The following FBXO11 variants were observed in gnomAD, a reference collection of about 807,000 sequenced individuals.
FBXO11 encodes the protein F-box only protein 11.
Under a neutral mutation model 117.0 loss-of-function variants are expected in FBXO11, and 13 were observed. The ratio of observed to expected loss-of-function variants is 0.11; its 90% confidence interval spans 0.07 to 0.18. The LOEUF (loss-of-function observed/expected upper bound fraction) is 0.18. Ranked by LOEUF, FBXO11 falls within the 10% of genes least tolerant of loss-of-function variation. The pLI, the probability that FBXO11 is intolerant of heterozygous loss-of-function variation, is 1.00. For synonymous variants in FBXO11, 490 were observed against 380.5 expected, an observed-to-expected ratio of 1.29 and a Z score of -3.35; for missense variants, 767 against 1,164.4, an observed-to-expected ratio of 0.66 and a Z score of 4.97.
intron 11 of FBXO11, among the ~76,000 whole-genome samples, chr2:47,828,602 C>G (rs550202864): frequency 4.3e-4 from 63 of 146,856 alleles, no homozygotes; most frequent in Non-Finnish European, 6.9e-4. Flanking sequence ...GAGTGAGACT[C>G]TTGTCTCAAA....
At chr2:47,818,449 A>G in intron 16 of FBXO11, 1 of 214,718 alleles carries the variant, frequency 4.7e-6, no homozygotes, top group Non-Finnish European at 9.1e-6. Context: ...TTGAGTGCCA[A>G]TGATATGCCA....
At chr2:47,838,428 GAATTACTGGGTCAAAGGGCATGACCCAGT>G (rs1213934598) in intron 4 of FBXO11, among the ~76,000 whole-genome samples, 30 of 150,410 alleles carry the variant, frequency 2.0e-4, no homozygotes, top group South Asian at 6.3e-4. Context: ...TTCAGAAGTA[GAATTACTGGGTCAAAGGGCATGACCCAGT>G]AATTACTGGG....
chr2:47,817,880 G>A (rs1387443656), intron 16 of FBXO11, among the ~76,000 whole-genome samples: 3 of 152,202 alleles, frequency 2.0e-5, no homozygotes, highest in African/African-American at 7.2e-5. Context: ...GGGTGTGGTG[G>A]CTCACGCCTG....
At chr2:47,837,795 A>G (rs1672702455) in intron 4 of FBXO11, among the ~76,000 whole-genome samples, 1 of 152,256 alleles carries the variant, frequency 6.6e-6, no homozygotes, top group South Asian at 2.1e-4. Flanking sequence ...CAGTGGCACG[A>G]TCACGGCTTT....
intron 16 of FBXO11, among the ~76,000 whole-genome samples, chr2:47,815,320 G>A (rs1020179032): frequency 2.0e-5 from 3 of 152,176 alleles, no homozygotes; most frequent in African/African-American, 7.2e-5. Flanking sequence ...TATCCCCCTC[G>A]GGAATGAGGA....
chr2:47,835,902 T>A lies in FBXO11; in HGVS notation c.687A>T (p.Pro229=). The change falls in exon 5 of 23, where the codon CCA becomes CCT. Residue 229 remains proline (P), a synonymous_variant. Coordinates refer to ENST00000403359, the MANE Select transcript of FBXO11 (RefSeq NM_001190274.2). ...GCTGGAAACTCTCTTTCCAGGGATT[T>A]GGATGTTCATACTCTTCTGGATTAA... ...YQINPEEYEH[P]NPWKESFQQL... The A allele has an allele frequency of 1.2e-6, 2 of 1,610,906 alleles. No homozygotes were observed. The highest frequency in any genetic ancestry group is 1.7e-6 in the Non-Finnish European group (2 of 1,177,762).
At chr2:47,903,470 C>T (rs1315627128) in intron 1 of FBXO11, among the ~76,000 whole-genome samples, 3 of 152,214 alleles carry the variant, frequency 2.0e-5, no homozygotes, top group Non-Finnish European at 4.4e-5. Flanking sequence ...TGGCATGTGA[C>T]TGCCAACAAC....
intron 11 of FBXO11, among the ~76,000 whole-genome samples, chr2:47,825,152 A>G (rs1280258420): frequency 1.3e-5 from 2 of 152,170 alleles, no homozygotes; most frequent in Admixed American, 6.5e-5. Flanking sequence ...CTAGTATACT[A>G]TATGTTTAAC....
At chr2:47,899,746 A>G (rs1364567756) in intron 1 of FBXO11, among the ~76,000 whole-genome samples, 2 of 152,218 alleles carry the variant, frequency 1.3e-5, no homozygotes, top group African/African-American at 4.8e-5. Context: ...TCTGTGGAAG[A>G]TAAGAATATA....
chr2:47,829,909 T>C (rs754568148), intron 11 of FBXO11, among the ~76,000 whole-genome samples: 12 of 152,150 alleles, frequency 7.9e-5, no homozygotes, highest in Non-Finnish European at 1.6e-4. Context: ...CACTATTCTC[T>C]CTACTTCAGT....
intron 11 of FBXO11, among the ~76,000 whole-genome samples, chr2:47,824,792 A>G (rs1040355932): frequency 2.6e-5 from 4 of 152,124 alleles, no homozygotes; most frequent in African/African-American, 7.2e-5. Flanking sequence ...TATATAATGG[A>G]CATGTTTTAC....
Position 47,832,847 on chromosome 2 carries a change from TGTG to T in FBXO11, c.1072_1074del (p.His358del). 1 of 1,614,068 alleles carries T rather than the reference TGTG, an allele frequency of 6.2e-7. No individual in the cohort carries two copies. The highest frequency in any genetic ancestry group is 8.5e-7 in the Non-Finnish European group (1 of 1,179,960). ...GTAATCTCTAAGCAGTGGTGTGCAT[TGTG>T]GTGTTGTGCAGATTTGTCATCAGGG... On this transcript the variant is annotated inframe_deletion, in exon 9 of 23. Coordinates refer to ENST00000403359, the MANE Select transcript of FBXO11 (RefSeq NM_001190274.2).
chr2:47,885,054 C>CT (rs1558472498), intron 1 of FBXO11, among the ~76,000 whole-genome samples: 1 of 152,106 alleles, frequency 6.6e-6, no homozygotes, highest in Non-Finnish European at 1.5e-5. Context: ...ATAAGATGAA[C>CT]TTACTATGTA....
intron 11 of FBXO11, among the ~76,000 whole-genome samples, chr2:47,826,730 T>C (rs1436699924): frequency 3.3e-5 from 5 of 152,182 alleles, no homozygotes; most frequent in African/African-American, 1.2e-4. Flanking sequence ...GACAACTCTA[T>C]CCTAAACTTG....
At chr2:47,885,032 T>A (rs1346601928) in intron 1 of FBXO11, among the ~76,000 whole-genome samples, 1 of 152,154 alleles carries the variant, frequency 6.6e-6, no homozygotes, top group Non-Finnish European at 1.5e-5. Flanking sequence ...AAGAAAGCAT[T>A]CAGGACAGTG....
chr2:47,856,068 A>C (rs1339764994), intron 1 of FBXO11, among the ~76,000 whole-genome samples: 3 of 152,190 alleles, frequency 2.0e-5, no homozygotes, highest in Non-Finnish European at 4.4e-5. Context: ...CTATCATTAC[A>C]TTATGCACTC....
intron 11 of FBXO11, among the ~76,000 whole-genome samples, chr2:47,827,527 G>C (rs1175011260): frequency 1.3e-5 from 2 of 152,024 alleles, no homozygotes; most frequent in Non-Finnish European, 2.9e-5. Context: ...GGATGGTCTG[G>C]AACTCCTGAC....
At chr2:47,835,492 C>T (rs576138857) in intron 5 of FBXO11, among the ~76,000 whole-genome samples, 1 of 152,042 alleles carries the variant, frequency 6.6e-6, no homozygotes, top group Non-Finnish European at 1.5e-5. Flanking sequence ...TCATTAAAAC[C>T]TACTCAACTT....
intron 1 of FBXO11, among the ~76,000 whole-genome samples, 181 bp from the exon 2 acceptor site, chr2:47,839,950 T>C (rs1247472316): frequency 2.0e-5 from 3 of 151,892 alleles, no homozygotes; most frequent in Non-Finnish European, 2.9e-5. Flanking sequence ...GTGGAAGATT[T>C]TTTTTTTTTT....
Sources: gnomAD v4.1 joint callset for allele counts (sites outside exome capture counted in the v4.1 genomes callset) on GRCh38, gnomAD v4.1.1 for gene constraint, MANE v1.5 for transcripts, NCBI Gene and HGNC (gene_info 2026-07-23, HGNC 2026-07-21) for gene names.